STAG1: variants seen among roughly 807,000 people sequenced by gnomAD.
STAG1 encodes the protein STAG1 cohesin complex component.
A neutral mutation model predicts 170.9 loss-of-function variants in STAG1; 26 were observed. The ratio of observed to expected loss-of-function variants is 0.15; its 90% CI spans 0.11 to 0.21. The LOEUF (loss-of-function observed/expected upper bound fraction) is 0.21. Among genes scored for constraint, STAG1 ranks in the 10% least tolerant of loss-of-function variants. The probability of loss-of-function intolerance (pLI) is 1.00; values close to 1 mark genes in which losing one functional copy is unlikely to be tolerated. For missense variants in STAG1, 964 were observed against 1,509.5 expected, an observed-to-expected ratio of 0.64 and a Z score of 5.99; for synonymous variants, 514 against 497.7, an observed-to-expected ratio of 1.03 and a Z score of -0.44.
chr3:136,689,575 TTTCTAA>T (rs1296258596), intron 1 of STAG1, among the ~76,000 whole-genome samples: 3 of 152,188 alleles, frequency 2.0e-5, no homozygotes, highest in African/African-American at 7.2e-5. Flanking sequence ...AGCCATGATT[TTTCTAA>T]TTCTGTTTTT....
At chr3:136,430,802 G>GACACACAC (rs1355086850) in intron 16 of STAG1, among the ~76,000 whole-genome samples, 4 of 88,950 alleles carry the variant, frequency 4.5e-5, no homozygotes, top group African/African-American at 1.8e-4. Flanking sequence ...AACAGACATA[G>GACACACAC]ACAGACACAC....
At chr3:136,613,111 G>C (rs1023528546) in intron 3 of STAG1, among the ~76,000 whole-genome samples, 3 of 151,828 alleles carry the variant, frequency 2.0e-5, no homozygotes, top group African/African-American at 7.3e-5. Context: ...GACTATCCTG[G>C]CTAACATGGT....
intron 9 of STAG1, among the ~76,000 whole-genome samples, chr3:136,478,668 G>C (rs975944002): frequency 6.6e-6 from 1 of 152,058 alleles, no homozygotes; most frequent in Admixed American, 6.6e-5. Flanking sequence ...GCTCTAATAA[G>C]TCTCAGTTCT....
intron 5 of STAG1, among the ~76,000 whole-genome samples, chr3:136,552,692 C>T (rs1397024115): frequency 6.6e-6 from 1 of 152,146 alleles, no homozygotes; most frequent in Admixed American, 6.6e-5. Context: ...GTCAATTTAT[C>T]ACCTCATACT....
intron 6 of STAG1, among the ~76,000 whole-genome samples, chr3:136,525,894 A>C (rs1405675794): frequency 6.6e-6 from 1 of 152,182 alleles, no homozygotes; most frequent in Non-Finnish European, 1.5e-5. Context: ...GTTTCCATGT[A>C]GTTGAGCAGT....
intron 9 of STAG1, among the ~76,000 whole-genome samples, chr3:136,488,881 A>G (rs1467470183): frequency 6.6e-6 from 1 of 152,224 alleles, no homozygotes; most frequent in Non-Finnish European, 1.5e-5. Context: ...TATTAAATTT[A>G]TTTTTAAACA....
chr3:136,417,995 T>C, intron 20 of STAG1, 23 bp from the exon 21 acceptor site: 2 of 1,543,432 alleles, frequency 1.3e-6, no homozygotes, highest in Non-Finnish European at 1.8e-6. Context: ...AAAATGCATC[T>C]GTTTTATTCT....
At chr3:136,691,068 C>T (rs928922122) in intron 1 of STAG1, among the ~76,000 whole-genome samples, 4 of 151,662 alleles carry the variant, frequency 2.6e-5, no homozygotes, top group Non-Finnish European at 4.4e-5. Flanking sequence ...AAAGCCAAGG[C>T]GGGTGGAACA....
At chr3:136,551,197 TTGAGAGAGAG>T (rs1428213011) in intron 5 of STAG1, among the ~76,000 whole-genome samples, 710 of 36,298 alleles carry the variant, frequency 0.02, 37 homozygotes, top group African/African-American at 0.086. Flanking sequence ...GAGAGAGAGG[TTGAGAGAGAG>T]TGAGAGAGAG....
intron 20 of STAG1, among the ~76,000 whole-genome samples, chr3:136,419,873 G>T (rs1181689227): frequency 6.6e-6 from 1 of 152,032 alleles, no homozygotes. Context: ...AAATACTCAT[G>T]GGCTGAAACT....
intron 14 of STAG1, among the ~76,000 whole-genome samples, chr3:136,446,719 G>A (rs571002895): frequency 2.3e-4 from 35 of 151,382 alleles, no homozygotes; most frequent in Admixed American, 2.6e-4. Context: ...CACAGTGCCT[G>A]GCCTCCCTTG....
intron 22 of STAG1, among the ~76,000 whole-genome samples, chr3:136,386,261 C>T (rs561201818): frequency 1.3e-5 from 2 of 152,242 alleles, no homozygotes; most frequent in South Asian, 2.1e-4. Context: ...ATTGCTTGAA[C>T]CCAGGAGGCG....
chr3:136,374,949 T>G (rs112399812), intron 23 of STAG1, among the ~76,000 whole-genome samples: 1 of 152,286 alleles, frequency 6.6e-6, no homozygotes, highest in South Asian at 2.1e-4. Context: ...ATTTTAGATA[T>G]GTTTAGATAT....
intron 4 of STAG1, among the ~76,000 whole-genome samples, chr3:136,600,050 T>C (rs1393493885): frequency 6.6e-6 from 1 of 152,206 alleles, no homozygotes; most frequent in East Asian, 1.9e-4. Context: ...TGAACAGACA[T>C]TTCAATTCAG....
chr3:136,567,898 A>G (rs529957513), intron 5 of STAG1, among the ~76,000 whole-genome samples: 3 of 152,262 alleles, frequency 2.0e-5, no homozygotes, highest in African/African-American at 7.2e-5. Context: ...TGAACTATTA[A>G]TGTATTTCCC....
intron 23 of STAG1, among the ~76,000 whole-genome samples, chr3:136,372,626 T>C (rs943903179): frequency 1.3e-5 from 2 of 152,056 alleles, no homozygotes; most frequent in Non-Finnish European, 2.9e-5. Context: ...TTGTCTTTGG[T>C]TCTGTTTATA....
intron 1 of STAG1, among the ~76,000 whole-genome samples, chr3:136,647,952 T>C (rs1021377222): frequency 9.2e-5 from 14 of 152,254 alleles, no homozygotes; most frequent in Admixed American, 1.3e-4. Flanking sequence ...TTGATGTTTA[T>C]AGTGCTTCTT....
chr3:136,383,892 T>C (rs1271400029), intron 22 of STAG1, among the ~76,000 whole-genome samples: 1 of 149,832 alleles, frequency 6.7e-6, no homozygotes, highest in Non-Finnish European at 1.5e-5. Flanking sequence ...GAGGCAGAGC[T>C]TGCAGTGAGC....
chr3:136,631,020 G>A, intron 1 of STAG1, 39 bp from the exon 2 acceptor site: 2 of 979,374 alleles, frequency 2.0e-6, no homozygotes, highest in Non-Finnish European at 3.0e-6. Flanking sequence ...AAAATAAAAT[G>A]AGGATGACAA....
Sources: allele counts gnomAD v4.1 joint callset (sites outside exome capture counted in the v4.1 genomes callset), GRCh38; gene constraint gnomAD v4.1.1; transcripts MANE v1.5; gene names NCBI Gene and HGNC (gene_info 2026-07-23, HGNC 2026-07-21).